Variants in HPSE2 observed in about 807,000 individuals in gnomAD.
The protein encoded by HPSE2 is heparanase 2 (inactive).
A neutral mutation model predicts 60.5 loss-of-function variants in HPSE2; 38 were observed. The observed-to-expected ratio is 0.63, with a 90% CI of 0.48 to 0.82. The LOEUF (loss-of-function observed/expected upper bound fraction) is 0.82, where lower values mean the gene tolerates loss of function less well. Among genes scored for constraint, HPSE2 ranks in the 40% least tolerant of loss-of-function variants. The pLI is 0.00. For missense variants in HPSE2, 713 were observed against 740.4 expected (o/e 0.96, Z 0.43); for synonymous variants, 295 against 293.2 (o/e 1.01, Z -0.06).
chr10:99,103,985 A>C (rs1844130259), intron 3 of HPSE2, among the ~76,000 whole-genome samples: 1 of 152,248 alleles, frequency 6.6e-6, no homozygotes, highest in Non-Finnish European at 1.5e-5. Context: ...AAATTAATTC[A>C]AGATGGATTA....
the HPSE2 span, among the ~76,000 whole-genome samples, chr10:99,277,611 A>G: frequency 6.6e-6 from 1 of 152,202 alleles, no homozygotes; most frequent in African/African-American, 2.4e-5. Flanking sequence ...TGTTACAGGC[A>G]TCTAATAGAA....
At chr10:99,257,000 T>C in the HPSE2 span, among the ~76,000 whole-genome samples, 1 of 152,252 alleles carries the variant, frequency 6.6e-6, no homozygotes, top group Non-Finnish European at 1.5e-5. Flanking sequence ...ATTTTTATAA[T>C]TTCTTACGCC....
At chr10:98,756,147 T>C (rs1482546536) in intron 3 of HPSE2, among the ~76,000 whole-genome samples, 11 of 151,972 alleles carry the variant, frequency 7.2e-5, no homozygotes. Context: ...AGATACAACA[T>C]ACTAGAATCT....
At chr10:99,019,198 G>A (rs1421670036) in intron 3 of HPSE2, among the ~76,000 whole-genome samples, 1 of 152,164 alleles carries the variant, frequency 6.6e-6, no homozygotes, top group East Asian at 1.9e-4. Flanking sequence ...CATGTTCCCA[G>A]CCTGCAATTG....
At chr10:98,614,019 T>C (rs1298571471) in intron 9 of HPSE2, among the ~76,000 whole-genome samples, 1 of 152,206 alleles carries the variant, frequency 6.6e-6, no homozygotes, top group Non-Finnish European at 1.5e-5. Context: ...TTCCTTTTCT[T>C]TCCTAGATAA....
At chr10:99,071,970 A>G (rs1382755552) in intron 3 of HPSE2, among the ~76,000 whole-genome samples, 1 of 150,664 alleles carries the variant, frequency 6.6e-6, no homozygotes, top group Non-Finnish European at 1.5e-5. Flanking sequence ...TAATTCCAGT[A>G]GCTTTGTAAT....
chr10:98,624,023 T>C (rs929414167), intron 7 of HPSE2, among the ~76,000 whole-genome samples: 36 of 152,262 alleles, frequency 2.4e-4, no homozygotes, highest in African/African-American at 8.2e-4. Flanking sequence ...TAATGCATTA[T>C]CAAGGGCATT....
chr10:98,608,704 CTGCACATGGT>C (rs1245608923), intron 9 of HPSE2, among the ~76,000 whole-genome samples: 1 of 152,182 alleles, frequency 6.6e-6, no homozygotes, highest in Non-Finnish European at 1.5e-5. Context: ...CAAAGGAAGG[CTGCACATGGT>C]GAAATCTTTG....
At chr10:98,800,239 C>T (rs1178915553) in intron 3 of HPSE2, among the ~76,000 whole-genome samples, 1 of 151,684 alleles carries the variant, frequency 6.6e-6, no homozygotes, top group African/African-American at 2.4e-5. Flanking sequence ...CATGGTGGCA[C>T]ATGCCTGTAG....
At chr10:99,173,977 A>G (rs1264612386) in intron 2 of HPSE2, among the ~76,000 whole-genome samples, 1 of 150,772 alleles carries the variant, frequency 6.6e-6, no homozygotes, top group Non-Finnish European at 1.5e-5. Flanking sequence ...AAAGAACTAC[A>G]AGAGTTATAA....
intron 3 of HPSE2, among the ~76,000 whole-genome samples, chr10:98,809,176 T>C (rs1017963033): frequency 6.6e-6 from 1 of 152,148 alleles, no homozygotes; most frequent in African/African-American, 2.4e-5. Flanking sequence ...ATAGTTGCAT[T>C]TGTCTAGCAG....
intron 3 of HPSE2, among the ~76,000 whole-genome samples, chr10:98,865,647 A>G (rs1007805971): frequency 1.5e-4 from 23 of 152,266 alleles, no homozygotes; most frequent in Admixed American, 5.9e-4. Flanking sequence ...AAAGTTCTCA[A>G]ATATGTAGCA....
chr10:98,774,847 A>T (rs531691156), intron 3 of HPSE2, among the ~76,000 whole-genome samples: 9 of 151,926 alleles, frequency 5.9e-5, no homozygotes, highest in South Asian at 4.2e-4. Flanking sequence ...TCATCGTGGG[A>T]CTCTTTAGAG....
At chr10:99,306,013 A>ACACACACACACC in the HPSE2 span, among the ~76,000 whole-genome samples, 1 of 148,964 alleles carries the variant, frequency 6.7e-6, no homozygotes, top group African/African-American at 2.5e-5. Context: ...ACACACACAC[A>ACACACACACACC]CCAGACTGCT....
At chr10:98,486,577 C>G (rs914129394) in intron 10 of HPSE2, among the ~76,000 whole-genome samples, 1 of 152,008 alleles carries the variant, frequency 6.6e-6, no homozygotes, top group East Asian at 1.9e-4. Context: ...ATTGGAATAT[C>G]CTAAATGTAA....
intron 2 of HPSE2, among the ~76,000 whole-genome samples, chr10:99,209,464 A>G (rs1430015192): frequency 6.6e-6 from 1 of 152,230 alleles, no homozygotes; most frequent in African/African-American, 2.4e-5. Flanking sequence ...ACCACAATAT[A>G]CCAAAACTTA....
chr10:98,839,934 T>C (rs1051100761), intron 3 of HPSE2, among the ~76,000 whole-genome samples: 1 of 152,210 alleles, frequency 6.6e-6, no homozygotes, highest in Non-Finnish European at 1.5e-5. Context: ...GGAGAAACAT[T>C]ACATGTAACA....
At chr10:98,969,456 C>T (rs551589618) in intron 3 of HPSE2, among the ~76,000 whole-genome samples, 6 of 152,262 alleles carry the variant, frequency 3.9e-5, no homozygotes, top group Admixed American at 2.0e-4. Flanking sequence ...ACTTCCCCTA[C>T]GCAATAGGAA....
intron 3 of HPSE2, among the ~76,000 whole-genome samples, chr10:98,874,206 G>T (rs1952812122): frequency 6.7e-6 from 1 of 150,064 alleles, no homozygotes; most frequent in African/African-American, 2.5e-5. Flanking sequence ...AAGTTCTTTA[G>T]TTTAATTAGA....
Sources: allele counts gnomAD v4.1 joint callset (sites outside exome capture counted in the v4.1 genomes callset), GRCh38; gene constraint gnomAD v4.1.1; transcripts MANE v1.5; gene names NCBI Gene and HGNC (gene_info 2026-07-23, HGNC 2026-07-21).